Variants in HELZ observed in about 807,000 individuals in gnomAD.
HELZ encodes the protein ATP-dependent RNA helicase with zinc finger domain.
In HELZ, 23 loss-of-function variants were observed where a neutral mutation model predicts 218.2. That is an observed-to-expected ratio of 0.11 (90% CI 0.08 to 0.15). The LOEUF is 0.15. HELZ is among the 10% of genes least tolerant of loss of function. The probability of loss-of-function intolerance (pLI) is 1.00; values close to 1 mark genes in which losing one functional copy is unlikely to be tolerated. For missense variants in HELZ, 1,813 were observed against 2,353.7 expected (o/e 0.77, Z 4.75); for synonymous variants, 814 against 829.4 (o/e 0.98, Z 0.32).
At position 67,078,407 on chromosome 17, in the gene HELZ, G is replaced by C. The variant is rs2036081393; in HGVS notation, c.5674C>G (p.Pro1892Ala). The C allele has an allele frequency of 3.1e-6, 5 of 1,601,270 alleles. No individual in the cohort carries two copies. The highest frequency in any genetic ancestry group is 4.3e-6 in the Non-Finnish European group (5 of 1,175,888). ...SSPQSSAGGK[P>A]AMSYASALRA... ...AGAGCGCTGGCATAGGACATGGCGG[G>C]CTTGCCCCCCGCAGAGCTCTGGGGG... The change falls in exon 33 of 33, where the codon CCC (proline) becomes GCC (alanine). Residue 1892 changes from proline (P) to alanine (A), a missense_variant. Transcript: ENST00000358691.
Position 67,073,721 on chromosome 17 carries a change from T to G in HELZ, c.*4531A>C, listed in dbSNP as rs2035948966. ...TTTTAAACGTTACATTAAAATTGTT[T>G]TTAAATCTCTTGAATCTCATATTCT... On this transcript the variant is annotated 3_prime_UTR_variant, in exon 33 of 33. Transcript: ENST00000358691. 1 of 152,210 alleles carries G rather than the reference T, an allele frequency of 6.6e-6. No individual in the cohort carries two copies. The highest frequency in any genetic ancestry group is 1.5e-5 in the Non-Finnish European group (1 of 68,026). 9.4% of individuals were successfully genotyped at this position (152,210 alleles called of 1,614,324 possible). A position where few individuals can be genotyped will look rare whatever the true frequency, so the allele number is the denominator to read the frequency against.
At chr17:67,100,569 A>T (rs2036892835) in intron 31 of HELZ, among the ~76,000 whole-genome samples, 1 of 152,176 alleles carries the variant, frequency 6.6e-6, no homozygotes, top group African/African-American at 2.4e-5. Flanking sequence ...AGTGAAGCAC[A>T]TCTTAAATGG....
rs1216716451 is a variant in HELZ at position 67,166,623 on chromosome 17, G to C, written c.1765-15C>G. 3.1e-6 allele frequency: 5 copies of C among 1,612,276 alleles called. No individual in the cohort carries two copies. The highest frequency in any genetic ancestry group is 2.2e-5 in the East Asian group (1 of 44,774). On this transcript the variant is annotated splice_polypyrimidine_tract_variant and intron_variant, in intron 14 of 32. Transcript: ENST00000358691. ...TGAAGTTCAACCTGAAAGACAAAAT[G>C]AATGTTTTAAAAACTGCATGAAAGC...
intron 9 of HELZ, 125 bp from the exon 10 acceptor site, chr17:67,190,480 A>G: frequency 1.4e-6 from 1 of 694,840 alleles, no homozygotes; most frequent in Non-Finnish European, 2.5e-6. Context: ...GGCCATATTT[A>G]TCGTACTGTC....
At chr17:67,119,494 T>C (rs1415696646) in intron 27 of HELZ, among the ~76,000 whole-genome samples, 1 of 150,732 alleles carries the variant, frequency 6.6e-6, no homozygotes, top group African/African-American at 2.5e-5. Flanking sequence ...TTGCAAAGGG[T>C]GGAAAGAAAC....
At chr17:67,116,128 T>C (rs2143795817) in intron 27 of HELZ, among the ~76,000 whole-genome samples, 1 of 152,030 alleles carries the variant, frequency 6.6e-6, no homozygotes, top group South Asian at 2.1e-4. Flanking sequence ...TAAAGATTTA[T>C]ACTATAAACC....
At chr17:67,098,765 C>T (rs2036830412) in intron 31 of HELZ, among the ~76,000 whole-genome samples, 1 of 151,900 alleles carries the variant, frequency 6.6e-6, no homozygotes, top group Non-Finnish European at 1.5e-5. Flanking sequence ...ATAAAAATGT[C>T]CAAACAACAT....
In HELZ at chr17:67,075,020, A is replaced by C. The variant is rs1278898817; in HGVS notation, c.*3232T>G. 1 of 152,194 alleles carries C rather than the reference A, an allele frequency of 6.6e-6. No individual in the cohort carries two copies. The highest frequency in any genetic ancestry group is 1.5e-5 in the Non-Finnish European group (1 of 68,012). 9.4% of individuals were successfully genotyped at this position (152,194 alleles called of 1,614,324 possible). A position where few individuals can be genotyped will look rare whatever the true frequency, so the allele number is the denominator to read the frequency against. On this transcript the variant is annotated 3_prime_UTR_variant, in exon 33 of 33. Coordinates refer to ENST00000358691, the MANE Select transcript of HELZ (RefSeq NM_014877.4). ...TAATCAAAAACAAAGTTCTGCTATA[A>C]CAATTTGGCAAAGCATATGCCCAAA...
chr17:67,189,093 G>A (rs921694274), intron 11 of HELZ, among the ~76,000 whole-genome samples: 51 of 152,286 alleles, frequency 3.3e-4, no homozygotes, highest in African/African-American at 1.1e-3. Context: ...CATACTCACA[G>A]AAACTTTTTA....
Position 67,077,240 on chromosome 17 carries a change from C to G in HELZ, c.*1012G>C, listed in dbSNP as rs1262802011. On this transcript the variant is annotated 3_prime_UTR_variant, in exon 33 of 33. Coordinates refer to ENST00000358691, the MANE Select transcript of HELZ (RefSeq NM_014877.4). ...AGCTAGCAAAATATTTGAATTGCCA[C>G]GTATAATGTCACATTTTAATGTAAA... 6.6e-6 allele frequency: 1 copy of G among 152,308 alleles called. No homozygotes were observed. Among genetic ancestry groups the G allele is most frequent in the Non-Finnish European group, 1.5e-5 (1 of 67,968 alleles). The allele number at this position is 152,308 out of a possible 1,614,324, so 9.4% of individuals were successfully genotyped here.
chr17:67,102,699 C>T (rs1410546383), intron 31 of HELZ, among the ~76,000 whole-genome samples: 2 of 152,148 alleles, frequency 1.3e-5, no homozygotes, highest in Non-Finnish European at 2.9e-5. Context: ...TAAAGTTACC[C>T]TAATACACTG....
Position 67,190,274 on chromosome 17 carries a change from T to G in HELZ, c.639A>C (p.Lys213Asn). ...HSQEELAEWQ[K>N]RYASRLIKLK... Reference sequence around the variant, plus strand: ...ATTTTATCAGCCGTGAAGCATATCTTTTCTGCCATTCTGCTAGTTCTTCCT... The same window carrying G: ...ATTTTATCAGCCGTGAAGCATATCTGTTCTGCCATTCTGCTAGTTCTTCCT... The change falls in exon 10 of 33, where the codon AAA becomes AAC. Residue 213 changes from lysine (K) to asparagine (N), a missense_variant. Transcript: ENST00000358691. The G allele has an allele frequency of 6.2e-7, 1 of 1,614,130 alleles. No individual in the cohort carries two copies. The highest frequency in any genetic ancestry group is 8.5e-7 in the Non-Finnish European group (1 of 1,179,962).
chr17:67,132,814 G>A (rs757924832), intron 23 of HELZ, among the ~76,000 whole-genome samples: 1 of 152,136 alleles, frequency 6.6e-6, no homozygotes, highest in Non-Finnish European at 1.5e-5. Flanking sequence ...TTCTGAACTG[G>A]TATAATATAC....
At chr17:67,122,587 A>G (rs1052327095) in intron 26 of HELZ, among the ~76,000 whole-genome samples, 7 of 152,054 alleles carry the variant, frequency 4.6e-5, no homozygotes, top group African/African-American at 1.7e-4. Context: ...GCATGCCTGT[A>G]ATCCCAGCTA....
chr17:67,174,922 T>C (rs2039412932), intron 13 of HELZ, among the ~76,000 whole-genome samples: 1 of 152,250 alleles, frequency 6.6e-6, no homozygotes, highest in Non-Finnish European at 1.5e-5. Context: ...GACCACGATG[T>C]CACAAAGAGG....
In HELZ at chr17:67,195,465, T is replaced by G; in HGVS notation, c.435A>C (p.Ala145=). 1.3e-6 allele frequency: 2 copies of G among 1,597,386 alleles called. No individual in the cohort carries two copies. The highest frequency in any genetic ancestry group is 4.5e-5 in the East Asian group (2 of 44,782). The stretch of plus-strand genomic sequence containing the variant: ...GATATCCAGAGAGGGCGTTACTAGT[T>G]GCTGTCTGCAATTTTCCAAATGAAA... The part of the protein sequence containing the change: ...LKTLLSETET[A]TSNALSGYHV... Residue 145 remains alanine (A), a synonymous_variant, in exon 8 of 33, where the codon GCA becomes GCC. Transcript: ENST00000358691.
At chr17:67,130,800 G>A (rs2037955912) in intron 23 of HELZ, among the ~76,000 whole-genome samples, 1 of 152,200 alleles carries the variant, frequency 6.6e-6, no homozygotes, top group Non-Finnish European at 1.5e-5. Flanking sequence ...CAGTTTCACA[G>A]AGTGGCATTT....
At position 67,077,992 on chromosome 17, in the gene HELZ, A is replaced by G. The variant is rs2036066533; in HGVS notation, c.*260T>C. On this transcript the variant is annotated 3_prime_UTR_variant, in exon 33 of 33. Coordinates refer to ENST00000358691, the MANE Select transcript of HELZ (RefSeq NM_014877.4). The stretch of plus-strand genomic sequence containing the variant: ...CCTCTTGGCTGCTAGCTTGATGCAA[A>G]CATATGTAACAATACACAAATTTAA... The G allele has an allele frequency of 4.1e-6, 1 of 245,398 alleles. No individual in the cohort carries two copies. Among genetic ancestry groups the G allele is most frequent in the Admixed American group, 5.2e-5 (1 of 19,070 alleles). 15.2% of individuals were successfully genotyped at this position (245,398 alleles called of 1,614,324 possible).
chr17:67,128,018 T>C (rs1414263955), intron 24 of HELZ, among the ~76,000 whole-genome samples: 1 of 152,110 alleles, frequency 6.6e-6, no homozygotes, highest in Admixed American at 6.5e-5. Flanking sequence ...TGCAAGCATC[T>C]TTTTCAGGCA....
Sources: allele counts gnomAD v4.1 joint callset (sites outside exome capture counted in the v4.1 genomes callset), GRCh38; gene constraint gnomAD v4.1.1; transcripts MANE v1.5; gene names NCBI Gene and HGNC (gene_info 2026-07-23, HGNC 2026-07-21).